HMG20A: variants seen among roughly 807,000 people sequenced by gnomAD.
HMG20A encodes the protein high mobility group protein 20A.
A neutral mutation model predicts 43.9 loss-of-function variants in HMG20A; 17 were observed. That is an observed-to-expected ratio of 0.39 (90% CI 0.27 to 0.58). The LOEUF (loss-of-function observed/expected upper bound fraction) is 0.58, where lower values mean the gene tolerates loss of function less well. Ranked by LOEUF, HMG20A falls within the 20% of genes least tolerant of loss-of-function variation. The probability of loss-of-function intolerance (pLI) is 0.59; values close to 1 mark genes in which losing one functional copy is unlikely to be tolerated. For missense variants in HMG20A, 341 were observed against 438.2 expected (o/e 0.78, Z 1.98); for synonymous variants, 132 against 147.5 (o/e 0.89, Z 0.76).
chr15:77,517,698 T>C, the HMG20A span, among the ~76,000 whole-genome samples: 1 of 151,908 alleles, frequency 6.6e-6, no homozygotes, highest in Non-Finnish European at 1.5e-5. Context: ...AGAGCAGCTC[T>C]GTGGGCGACG....
chr15:77,473,479 C>A (rs979428687), intron 6 of HMG20A, among the ~76,000 whole-genome samples: 5 of 152,150 alleles, frequency 3.3e-5, no homozygotes, highest in Non-Finnish European at 1.5e-5. Flanking sequence ...GGACAGTAAC[C>A]TGAAACATTA....
At position 77,478,102 on chromosome 15, in the gene HMG20A, A is replaced by C. The variant is rs1247680249; in HGVS notation, c.692-193A>C. The C allele has an allele frequency of 5.0e-6, 3 of 599,030 alleles. No individual in the cohort carries two copies. The African/African-American group carries it at 5.6e-5, about 11-fold the overall frequency. 37.1% of individuals were successfully genotyped at this position (599,030 alleles called of 1,614,324 possible). ...TGTATGGAATGTGACTAGCTTTAAG[A>C]ATTAAAATAGCTCTGGGGAGTCAGG... On this transcript the variant is annotated intron_variant, in intron 7 of 9. Transcript: ENST00000336216.
At chr15:77,516,796 A>G in the HMG20A span, among the ~76,000 whole-genome samples, 1 of 151,252 alleles carries the variant, frequency 6.6e-6, no homozygotes, top group Non-Finnish European at 1.5e-5. Context: ...GCAAGCGCGT[A>G]GGCTAGAAGT....
At chr15:77,464,694 A>T (rs969488997) in intron 3 of HMG20A, 1 of 243,056 alleles carries the variant, frequency 4.1e-6, no homozygotes, top group African/African-American at 2.3e-5. Context: ...AGAAGTGTAC[A>T]TGCCCTTGCT....
intron 3 of HMG20A, among the ~76,000 whole-genome samples, chr15:77,465,006 TCCTAGCA>T (rs2072741775): frequency 6.6e-6 from 1 of 152,052 alleles, no homozygotes; most frequent in Admixed American, 6.5e-5. Flanking sequence ...ATGCCTGTAA[TCCTAGCA>T]CTTTGGGATG....
chr15:77,448,342 C>T, intron 1 of HMG20A, among the ~76,000 whole-genome samples: 1 of 152,212 alleles, frequency 6.6e-6, no homozygotes, highest in East Asian at 1.9e-4. Context: ...AGTCCAGCCA[C>T]ATTTGCCACC....
intron 1 of HMG20A, among the ~76,000 whole-genome samples, chr15:77,423,792 G>T (rs1384171117): frequency 6.6e-6 from 1 of 152,084 alleles, no homozygotes; most frequent in Non-Finnish European, 1.5e-5. Flanking sequence ...TTGTCGTTTT[G>T]GTGGTGGTTT....
In HMG20A at chr15:77,420,972, C is replaced by T. The variant is rs966593308; in HGVS notation, c.-37C>T. 7.5e-6 allele frequency: 3 copies of T among 398,628 alleles called. No individual in the cohort carries two copies. Among genetic ancestry groups the T allele is most frequent in the African/African-American group, 2.1e-5 (1 of 48,650 alleles). 24.7% of individuals were successfully genotyped at this position (398,628 alleles called of 1,614,324 possible). A position where few individuals can be genotyped will look rare whatever the true frequency, so the allele number is the denominator to read the frequency against. On this transcript the variant is annotated 5_prime_UTR_variant, in exon 1 of 10. Transcript: ENST00000336216. ...CTCTGTGGAAGGGACTTTCTTTTGG[C>T]CCTAGGCCCCTTCCTGCCCCTGTCG... is the stretch of plus-strand genomic sequence containing the variant.
chr15:77,503,597 C>T, the HMG20A span, among the ~76,000 whole-genome samples: 233 of 152,240 alleles, frequency 1.5e-3, no homozygotes, highest in Non-Finnish European at 2.6e-3. Context: ...CATTATATTC[C>T]CACTTGGCAG....
At chr15:77,497,175 C>T in the HMG20A span, among the ~76,000 whole-genome samples, 7 of 152,232 alleles carry the variant, frequency 4.6e-5, no homozygotes, top group African/African-American at 1.2e-4. Context: ...AGCTGGCTCT[C>T]TTTGTGTTTC....
chr15:77,456,837 A>T (rs574782464), intron 1 of HMG20A, among the ~76,000 whole-genome samples: 16 of 152,332 alleles, frequency 1.1e-4, no homozygotes, highest in Non-Finnish European at 2.1e-4. Flanking sequence ...TATAATGTGA[A>T]TTAAAACTTA....
chr15:77,491,897 T>C, the HMG20A span, among the ~76,000 whole-genome samples: 2 of 152,196 alleles, frequency 1.3e-5, no homozygotes, highest in Non-Finnish European at 2.9e-5. Context: ...GAAAATGGAT[T>C]GTAAATGGGC....
chr15:77,513,115 CAT>C, the HMG20A span, among the ~76,000 whole-genome samples: 1 of 152,144 alleles, frequency 6.6e-6, no homozygotes, highest in African/African-American at 2.4e-5. Flanking sequence ...ATTAAATCAA[CAT>C]GTAATCATGG....
chr15:77,496,975 T>G, the HMG20A span, among the ~76,000 whole-genome samples: 1 of 152,196 alleles, frequency 6.6e-6, no homozygotes, highest in Non-Finnish European at 1.5e-5. Context: ...CGGGACCCAG[T>G]GCTGGCAGGA....
At chr15:77,427,069 A>G (rs891762433) in intron 1 of HMG20A, among the ~76,000 whole-genome samples, 1 of 152,196 alleles carries the variant, frequency 6.6e-6, no homozygotes, top group African/African-American at 2.4e-5. Context: ...TGTTACGGTC[A>G]GCTGAGTTTA....
At chr15:77,444,388 A>C (rs1472621439) in intron 1 of HMG20A, among the ~76,000 whole-genome samples, 2 of 152,238 alleles carry the variant, frequency 1.3e-5, no homozygotes, top group East Asian at 3.8e-4. Context: ...TGAACCCTTG[A>C]ACAGCACTAG....
chr15:77,439,531 A>G (rs2073588608), intron 1 of HMG20A, among the ~76,000 whole-genome samples: 1 of 152,262 alleles, frequency 6.6e-6, no homozygotes, highest in Middle Eastern at 3.4e-3. Flanking sequence ...GCTCATCATT[A>G]TATCTATGAA....
At chr15:77,515,966 A>G in the HMG20A span, among the ~76,000 whole-genome samples, 1 of 152,164 alleles carries the variant, frequency 6.6e-6, no homozygotes, top group Non-Finnish European at 1.5e-5. Context: ...AGGGGCCCTT[A>G]GTCTCTAGTG....
At chr15:77,433,228 G>A (rs2073507417) in intron 1 of HMG20A, among the ~76,000 whole-genome samples, 1 of 151,020 alleles carries the variant, frequency 6.6e-6, no homozygotes, top group Admixed American at 6.6e-5. Context: ...TGCACCTATA[G>A]TCCTAGCTAC....
Sources: allele counts gnomAD v4.1 joint callset (sites outside exome capture counted in the v4.1 genomes callset), GRCh38; gene constraint gnomAD v4.1.1; transcripts MANE v1.5; gene names NCBI Gene and HGNC (gene_info 2026-07-23, HGNC 2026-07-21).